Variants in TECTA observed in about 807,000 individuals in gnomAD.
The protein encoded by TECTA is tectorin alpha.
A neutral mutation model predicts 216.8 loss-of-function variants in TECTA; 128 were observed. That is an observed-to-expected ratio of 0.59 (90% CI 0.51 to 0.68). The LOEUF (loss-of-function observed/expected upper bound fraction) is 0.68, where lower values mean the gene tolerates loss of function less well. Ranked by LOEUF, TECTA falls within the 30% of genes least tolerant of loss-of-function variation. The pLI is 0.00. For missense variants in TECTA, 2,551 were observed against 2,786.2 expected, an observed-to-expected ratio of 0.92 and a Z score of 1.90; for synonymous variants, 1,089 against 1,117.1, an observed-to-expected ratio of 0.97 and a Z score of 0.50.
chr11:121,157,165 T>C (rs1165211062), intron 13 of TECTA, among the ~76,000 whole-genome samples: 2 of 152,254 alleles, frequency 1.3e-5, no homozygotes, highest in Non-Finnish European at 2.9e-5. Context: ...GCAGAGTCTG[T>C]ACTTGTTAGA....
At chr11:121,109,619 C>G in intron 4 of TECTA, 121 bp downstream of exon 4, 2 of 1,268,178 alleles carry the variant, frequency 1.6e-6, no homozygotes, top group South Asian at 2.5e-5. Context: ...TTGAGTTAAA[C>G]TAATGAGTTT....
At chr11:121,175,698 T>G (rs1318976382) in intron 20 of TECTA, among the ~76,000 whole-genome samples, 1 of 152,236 alleles carries the variant, frequency 6.6e-6, no homozygotes, top group African/African-American at 2.4e-5. Context: ...TCTGTAGATG[T>G]CTATTAGGTC....
At chr11:121,115,637 T>TTTG (rs907871333) in intron 6 of TECTA, among the ~76,000 whole-genome samples, 71 of 152,204 alleles carry the variant, frequency 4.7e-4, no homozygotes, top group African/African-American at 1.4e-3. Flanking sequence ...TCAGATTCAA[T>TTTG]TTGTTGTTGT....
chr11:121,130,331 G>C, intron 10 of TECTA, 120 bp downstream of exon 10: 1 of 1,107,330 alleles, frequency 9.0e-7, no homozygotes. Context: ...TAATTACTGT[G>C]TATACCTACC....
chr11:121,177,149 T>C (rs1418625789), intron 20 of TECTA, among the ~76,000 whole-genome samples: 2 of 152,244 alleles, frequency 1.3e-5, no homozygotes. Context: ...AGTAGTTTGA[T>C]TGTCTGAAGC....
intron 23 of TECTA, chr11:121,190,134 G>C: frequency 2.1e-6 from 1 of 477,832 alleles, no homozygotes; most frequent in Non-Finnish European, 3.8e-6. Context: ...AAGTTATCCA[G>C]CCAATTTTAA....
rs1946985790 is a variant in TECTA, at chr11:121,160,305, T to C, written c.4860T>C (p.Gly1620=). Residue 1620 remains glycine, a synonymous_variant, in exon 15 of 24, where the codon GGT becomes GGC. Coordinates refer to ENST00000392793, the MANE Select transcript of TECTA (RefSeq NM_005422.4). ...ISERLQNKVC[G]LCGNFNGDLT... ...AGAGGCTGCAGAACAAAGTGTGCGGTCTCTGTGGCAACTTCAACGGGGACC... is the reference window on the plus strand; with the variant it reads ...AGAGGCTGCAGAACAAAGTGTGCGGCCTCTGTGGCAACTTCAACGGGGACC... The C allele has an allele frequency of 6.2e-7, 1 of 1,614,004 alleles. No individual in the cohort carries two copies. Among genetic ancestry groups the C allele is most frequent in the African/African-American group, 1.3e-5 (1 of 74,898 alleles).
chr11:121,110,793 G>A (rs138310622), intron 4 of TECTA: 1 of 152,322 alleles, frequency 6.6e-6, no homozygotes. Flanking sequence ...AATAAAAATG[G>A]CAAGATAATT....
intron 20 of TECTA, among the ~76,000 whole-genome samples, chr11:121,179,547 C>T (rs1947204230): frequency 6.6e-6 from 1 of 152,026 alleles, no homozygotes; most frequent in Admixed American, 6.6e-5. Flanking sequence ...CCTGTTAAGT[C>T]CATTTGGTCT....
Position 121,127,898 on chromosome 11 carries a change from A to AC in TECTA, c.1923dup (p.Ser642GlnfsTer84). On this transcript the variant is annotated frameshift_variant, in exon 9 of 24. Transcript: ENST00000392793. LOFTEE classifies it high-confidence loss of function. The surrounding 1 kb of genome is among the most constrained non-coding windows in gnomAD (Gnocchi z 5.0). ...GTGCAACCAGGGCTTCGTCCTCAGC[A>AC]CCAGCCAGTGCGTCCCTCTGCACAA... 6.2e-7 allele frequency: 1 copy of AC among 1,613,632 alleles called. No homozygotes were observed. The highest frequency in any genetic ancestry group is 8.5e-7 in the Non-Finnish European group (1 of 1,179,992).
intron 3 of TECTA, 97 bp downstream of exon 3, chr11:121,106,061 A>G (rs1335790103): frequency 1.9e-6 from 3 of 1,592,314 alleles, no homozygotes; most frequent in Admixed American, 1.7e-5. Context: ...AGCTCTGGGA[A>G]GGGAGGATTT....
In TECTA at chr11:121,145,599, G is replaced by A; in HGVS notation, c.3588G>A (p.Gly1196=). 6.2e-7 allele frequency: 1 copy of A among 1,614,200 alleles called. No individual in the cohort carries two copies. Among genetic ancestry groups the A allele is most frequent in the Non-Finnish European group, 8.5e-7 (1 of 1,180,032 alleles). The change falls in exon 12 of 24, where the codon GGG becomes GGA. Residue 1196 remains glycine, a synonymous_variant. Transcript: ENST00000392793. ...ATCTGCCCCTGAAGCTGGGGCAAGGGAAGATAAATATCTTTTCCTTTGGCT... is the reference window on the plus strand; with the variant it reads ...ATCTGCCCCTGAAGCTGGGGCAAGGAAAGATAAATATCTTTTCCTTTGGCT... ...RLYLPLKLGQ[G]KINIFSFGFH...
intron 4 of TECTA, among the ~76,000 whole-genome samples, 161 bp from the exon 5 acceptor site, chr11:121,112,911 C>T (rs761898206): frequency 1.3e-5 from 2 of 152,182 alleles, no homozygotes; most frequent in Non-Finnish European, 2.9e-5. Flanking sequence ...CCAACGGAGG[C>T]GAGAACAAAT....
chr11:121,162,908 TA>T (rs1290076537), intron 16 of TECTA, among the ~76,000 whole-genome samples: 1 of 152,240 alleles, frequency 6.6e-6, no homozygotes, highest in Non-Finnish European at 1.5e-5. Context: ...GTTTTTTCTG[TA>T]GTAAGAAAAT....
Position 121,157,951 on chromosome 11 carries a change from G to A in TECTA, c.4416G>A (p.Leu1472=). 6.2e-7 allele frequency: 1 copy of A among 1,613,880 alleles called. No individual in the cohort carries two copies. The highest frequency in any genetic ancestry group is 2.2e-5 in the East Asian group (1 of 44,886). ...RQCKSDEECA[L]RNGVRGCFST... ...GCAAGTCAGACGAGGAGTGTGCGCT[G>A]CGCAACGGGGTGCGCGGCTGCTTCA... is the stretch of plus-strand genomic sequence containing the variant. Residue 1472 remains leucine (L), a synonymous_variant, in exon 14 of 24, where the codon CTG becomes CTA. Transcript: ENST00000392793.
intron 13 of TECTA, 93 bp from the exon 14 acceptor site, chr11:121,157,748 G>A: frequency 2.1e-5 from 33 of 1,591,328 alleles, no homozygotes; most frequent in Non-Finnish European, 8.6e-7. Context: ...AGATAGGCTA[G>A]CCAAGCCTGA....
intron 16 of TECTA, 120 bp downstream of exon 16, chr11:121,162,490 C>G: frequency 1.5e-6 from 2 of 1,327,952 alleles, no homozygotes; most frequent in East Asian, 5.0e-5. Context: ...GATCTGCTTC[C>G]AGGATTGGAT....
intron 6 of TECTA, among the ~76,000 whole-genome samples, chr11:121,117,686 T>C (rs1467523776): frequency 2.0e-5 from 3 of 152,174 alleles, no homozygotes; most frequent in Non-Finnish European, 4.4e-5. Flanking sequence ...ACAATTTGTG[T>C]AGGTGTAAAT....
intron 20 of TECTA, among the ~76,000 whole-genome samples, chr11:121,181,174 ATTCT>A (rs1452911587): frequency 6.6e-6 from 1 of 152,142 alleles, no homozygotes; most frequent in Non-Finnish European, 1.5e-5. Context: ...AAAAAAAATA[ATTCT>A]TTATTCTGTT....
Sources: gnomAD v4.1 joint callset for allele counts (sites outside exome capture counted in the v4.1 genomes callset) on GRCh38, gnomAD v4.1.1 for gene constraint, Gnocchi (gnomAD v3.1) non-coding constraint, MANE v1.5 for transcripts, NCBI Gene and HGNC (gene_info 2026-07-23, HGNC 2026-07-21) for gene names.